Variants in OR8B2 observed in about 807,000 individuals in gnomAD.
OR8B2 encodes the protein olfactory receptor family 8 subfamily B member 2.
For missense variants in OR8B2, 304 were observed against 379.6 expected (o/e 0.80, Z 1.65); for synonymous variants, 98 against 138.2 (o/e 0.71, Z 2.04).
chr11:124,385,809 T>C (rs1860689905), upstream of OR8B2, among the ~76,000 whole-genome samples: 1 of 151,886 alleles, frequency 6.6e-6, no homozygotes, highest in Non-Finnish European at 1.5e-5. Flanking sequence ...TTTTTAATTT[T>C]TTGTAGGGAT....
chr11:124,394,655 C>CA, the OR8B2 span, among the ~76,000 whole-genome samples: 10 of 152,238 alleles, frequency 6.6e-5, no homozygotes, highest in Non-Finnish European at 1.2e-4. Context: ...CAGGACATCT[C>CA]AGAGTAAGAA....
chr11:124,396,541 T>C, the OR8B2 span: 2 of 1,613,914 alleles, frequency 1.2e-6, no homozygotes, highest in Middle Eastern at 1.7e-4. Context: ...GAAGAAACTT[T>C]TCCCTGCTCC....
chr11:124,384,861 T>G (rs1441728418), upstream of OR8B2, among the ~76,000 whole-genome samples: 1 of 152,214 alleles, frequency 6.6e-6, no homozygotes, highest in Non-Finnish European at 1.5e-5. Flanking sequence ...CTGTCATGTA[T>G]AAAGATGTAA....
At chr11:124,395,575 T>C in the OR8B2 span, 4 of 152,210 alleles carry the variant, frequency 2.6e-5, no homozygotes, top group Non-Finnish European at 5.9e-5. Context: ...TAATGTGCAG[T>C]ATTTACCTAT....
At chr11:124,393,636 G>A in the OR8B2 span, among the ~76,000 whole-genome samples, 1 of 151,800 alleles carries the variant, frequency 6.6e-6, no homozygotes, top group Non-Finnish European at 1.5e-5. Context: ...AGGATGTGGA[G>A]AAATAGTTAC....
chr11:124,382,756 C>T lies in OR8B2; in HGVS notation c.588G>A (p.Glu196=), dbSNP rs772322898. The T allele has an allele frequency of 2.5e-6, 4 of 1,613,676 alleles. No individual in the cohort carries two copies. In the South Asian group the frequency reaches 3.3e-5, roughly 13 times the overall value. The change falls in exon 2 of 2, where the codon GAG becomes GAA. Residue 196 remains glutamate (E), a synonymous_variant. Coordinates refer to ENST00000641451, the MANE Select transcript of OR8B2 (RefSeq NM_001005468.2). ...TACCCACAACAATGAGAACAACCACCTCGTTGACATAGGTGCTGGTGCAGG... is the reference window on the plus strand; with the variant it reads ...TACCCACAACAATGAGAACAACCACTTCGTTGACATAGGTGCTGGTGCAGG... The part of the protein sequence containing the change: ...QLSCTSTYVN[E]VVVLIVVGTN...
At chr11:124,388,535 C>T (rs79034707), upstream of OR8B2, among the ~76,000 whole-genome samples, 325 of 152,286 alleles carry the variant, frequency 2.1e-3, 2 homozygotes, top group African/African-American at 7.4e-3. Context: ...ACCAAGCTTA[C>T]AGGAGCCCGG....
upstream of OR8B2, among the ~76,000 whole-genome samples, chr11:124,389,353 A>G (rs1381863759): frequency 6.6e-6 from 1 of 152,198 alleles, no homozygotes; most frequent in Non-Finnish European, 1.5e-5. Context: ...ATGTGCTACT[A>G]TGCAATCTTT....
At position 124,382,634 on chromosome 11, in the gene OR8B2, G is replaced by T. The variant is rs778466760; in HGVS notation, c.710C>A (p.Ala237Asp). The change falls in exon 2 of 2, where the codon GCC becomes GAC. Residue 237 changes from alanine to aspartate, a missense_variant. Physicochemically the swap from Ala to Asp is moderately radical, Grantham distance 126. Coordinates refer to ENST00000641451, the MANE Select transcript of OR8B2 (RefSeq NM_001005468.2). ...HIKSTQGRSK[A>D]FSTCSSHVIA... ...GACATGAGAGCTACAAGTACTGAAG[G>T]CTTTTGATCTTCCTTGAGTGGATTT... is the stretch of plus-strand genomic sequence containing the variant. The T allele has an allele frequency of 1.6e-5, 26 of 1,611,466 alleles. No individual in the cohort carries two copies. Among genetic ancestry groups the T allele is most frequent in the Non-Finnish European group, 2.0e-5 (24 of 1,178,798 alleles).
At chr11:124,396,679 T>A in the OR8B2 span, 8 of 1,613,718 alleles carry the variant, frequency 5.0e-6, no homozygotes, top group South Asian at 6.6e-5. Flanking sequence ...ATATGAAGAA[T>A]GCTAGTGACA....
chr11:124,391,792 T>A, the OR8B2 span, among the ~76,000 whole-genome samples: 2 of 151,882 alleles, frequency 1.3e-5, no homozygotes, highest in African/African-American at 4.9e-5. Context: ...TACCAAAGCC[T>A]GGCAGAGACA....
At chr11:124,387,116 TC>T (rs1466637696), upstream of OR8B2, among the ~76,000 whole-genome samples, 1 of 152,240 alleles carries the variant, frequency 6.6e-6, no homozygotes, top group Non-Finnish European at 1.5e-5. Context: ...TTTGTTTTTT[TC>T]TTGTAAATTT....
the OR8B2 span, among the ~76,000 whole-genome samples, chr11:124,392,064 C>G: frequency 5.8e-5 from 7 of 120,602 alleles, no homozygotes; most frequent in East Asian, 4.3e-4. Flanking sequence ...ATTCAACAAC[C>G]CTTCATGCTA....
Position 124,383,044 on chromosome 11 carries a change from C to T in OR8B2, c.300G>A (p.Arg100=), listed in dbSNP as rs1860627154. 2.5e-6 allele frequency: 4 copies of T among 1,613,712 alleles called. No homozygotes were observed. The South Asian group carries it at 4.4e-5, about 18-fold the overall frequency. ...NIISNVGCMT[R]LFFFLFFVIS... Reference sequence around the variant, plus strand: ...TGACGAAAAAGAGAAAGAAAAACAGCCGAGTCATGCACCCAACATTGGAGA... The same window carrying T: ...TGACGAAAAAGAGAAAGAAAAACAGTCGAGTCATGCACCCAACATTGGAGA... Residue 100 remains arginine, a synonymous_variant, in exon 2 of 2, where the codon CGG becomes CGA. Transcript: ENST00000641451.
upstream of OR8B2, among the ~76,000 whole-genome samples, chr11:124,386,608 T>G (rs1591431613): frequency 6.6e-6 from 1 of 151,372 alleles, no homozygotes; most frequent in Non-Finnish European, 1.5e-5. Context: ...TATGGCTGCG[T>G]AGTATTCCAT....
chr11:124,385,686 A>T (rs535861633), upstream of OR8B2, among the ~76,000 whole-genome samples: 1 of 147,404 alleles, frequency 6.8e-6, no homozygotes, highest in Non-Finnish European at 1.5e-5. Flanking sequence ...GCATGAGTGC[A>T]GTGGTGCAAT....
chr11:124,396,054 CA>C, the OR8B2 span: 1 of 175,196 alleles, frequency 5.7e-6, no homozygotes, highest in South Asian at 1.6e-4. Flanking sequence ...TCATATTTGG[CA>C]CTTCTGAGTT....
chr11:124,384,722 TC>T (rs1182213296), upstream of OR8B2, among the ~76,000 whole-genome samples: 1 of 152,148 alleles, frequency 6.6e-6, no homozygotes. Flanking sequence ...TCTCAGGACC[TC>T]CCCTACCATG....
the OR8B2 span, among the ~76,000 whole-genome samples, chr11:124,392,094 G>T: frequency 1.6e-5 from 2 of 121,454 alleles, no homozygotes; most frequent in East Asian, 2.2e-4. Flanking sequence ...AATAAATTAG[G>T]TATTGATGGG....
Sources: allele counts gnomAD v4.1 joint callset (sites outside exome capture counted in the v4.1 genomes callset), GRCh38; gene constraint gnomAD v4.1.1; transcripts MANE v1.5; gene names NCBI Gene and HGNC (gene_info 2026-07-23, HGNC 2026-07-21).